The following NINJ2 variants were observed in gnomAD, a reference collection of about 807,000 sequenced individuals.
NINJ2 encodes the protein ninjurin 2, also known as ninjurin-2.
In NINJ2, 12 loss-of-function variants were observed where a neutral mutation model predicts 11.7. That is an observed-to-expected ratio of 1.02 (90% CI 0.66 to 1.66). NINJ2 has a LOEUF of 1.66. NINJ2 is among the 40% of genes most tolerant of loss of function. NINJ2 has a pLI of 0.00. For missense variants in NINJ2, 187 were observed against 181.8 expected (o/e 1.03, Z -0.16); for synonymous variants, 93 against 76.8 (o/e 1.21, Z -1.10).
chr12:588,024 C>T (rs184692110), intron 1 of NINJ2, among the ~76,000 whole-genome samples: 56 of 152,250 alleles, frequency 3.7e-4, no homozygotes, highest in Non-Finnish European at 3.8e-4. Flanking sequence ...AGGCATGACA[C>T]GACAGCCAAC....
intron 1 of NINJ2, among the ~76,000 whole-genome samples, chr12:574,886 T>C (rs1272695510): frequency 6.6e-6 from 1 of 152,260 alleles, no homozygotes; most frequent in Non-Finnish European, 1.5e-5. Context: ...ATATCTGCCC[T>C]GTCTAGCACA....
At chr12:587,890 C>T (rs947983195) in intron 1 of NINJ2, among the ~76,000 whole-genome samples, 13 of 152,290 alleles carry the variant, frequency 8.5e-5, no homozygotes, top group Non-Finnish European at 8.8e-5. Flanking sequence ...GATCACTATC[C>T]GTTCTCTCAC....
intron 1 of NINJ2, among the ~76,000 whole-genome samples, chr12:622,508 G>A (rs986836463): frequency 2.0e-5 from 3 of 151,726 alleles, no homozygotes; most frequent in Non-Finnish European, 2.9e-5. Context: ...AAATGCTCAG[G>A]ACTCTATTTG....
At chr12:598,768 C>T (rs950789054) in intron 1 of NINJ2, among the ~76,000 whole-genome samples, 2 of 152,050 alleles carry the variant, frequency 1.3e-5, no homozygotes, top group South Asian at 4.2e-4. Context: ...GGCACAATCA[C>T]GGCTCACTGG....
At chr12:616,710 T>A (rs921771255) in intron 1 of NINJ2, among the ~76,000 whole-genome samples, 5 of 152,234 alleles carry the variant, frequency 3.3e-5, no homozygotes. Flanking sequence ...CTGAGTGGTG[T>A]CAGGAAACTG....
In NINJ2 at chr12:634,265, C is replaced by CTTTTTTTTTTTTTTTTTTT. The variant is rs67797144; in HGVS notation, c.33+29044_33+29062dup. Among the ~76,000 whole-genome samples, 86 of 59,526 alleles carry CTTTTTTTTTTTTTTTTTTT rather than the reference C, an allele frequency of 1.4e-3. 10 individuals are homozygous for CTTTTTTTTTTTTTTTTTTT. Among genetic ancestry groups the CTTTTTTTTTTTTTTTTTTT allele is most frequent in the Middle Eastern group, 0.016 (1 of 62 alleles). 39.1% of individuals were successfully genotyped at this position (59,526 alleles called of 152,430 possible). ...AAATAAATGTTGATTAGTTGCAGTT[C>CTTTTTTTTTTTTTTTTTTT]TTTTTTTTTTTTTTTTTTTTTTTTT... On this transcript the variant is annotated intron_variant, in intron 1 of 3. Coordinates refer to ENST00000305108, the MANE Select transcript of NINJ2 (RefSeq NM_016533.6).
In NINJ2 at chr12:628,454, C is replaced by T. The variant is rs778437668; in HGVS notation, c.33+34874G>A. ...CCTGGCTTTTCTGGTACAGAGTGAC[C>T]AACATAACAGTTAATAGCATTTCCT... On this transcript the variant is annotated intron_variant, in intron 1 of 3. Transcript: ENST00000305108. The surrounding 1 kb of genome is among the most constrained non-coding windows in gnomAD (Gnocchi z 4.4). Among the ~76,000 whole-genome samples the T allele has an allele frequency of 6.6e-6, 1 of 152,100 alleles. No individual in the cohort carries two copies. The highest frequency in any genetic ancestry group is 2.4e-5 in the African/African-American group (1 of 41,442).
At chr12:627,929 C>T (rs7979407) in intron 1 of NINJ2, among the ~76,000 whole-genome samples, 22,379 of 152,138 alleles carry the variant, frequency 0.15, 2,059 homozygotes, top group South Asian at 0.26. Context: ...AGCGAGACTC[C>T]GTCTCAAAAA....
chr12:653,323 C>T (rs577992186), intron 1 of NINJ2, among the ~76,000 whole-genome samples: 24 of 152,126 alleles, frequency 1.6e-4, no homozygotes, highest in African/African-American at 5.5e-4. Context: ...GTTTCTTATA[C>T]TTAATTGATC....
chr12:624,924 C>T (rs1333523881), intron 1 of NINJ2, among the ~76,000 whole-genome samples: 1 of 151,622 alleles, frequency 6.6e-6, no homozygotes, highest in African/African-American at 2.4e-5. Flanking sequence ...GCCTGGCCAA[C>T]ATGGTGAAAC....
At chr12:639,558 A>ACGG (rs1341754535) in intron 1 of NINJ2, among the ~76,000 whole-genome samples, 1 of 152,054 alleles carries the variant, frequency 6.6e-6, no homozygotes, top group Non-Finnish European at 1.5e-5. Context: ...CAGAAAAGAA[A>ACGG]AAAAAGTCCC....
In NINJ2 at chr12:565,321, TGAA is replaced by T. The variant is rs753064464; in HGVS notation, c.340_342del (p.Phe114del). ...GTAATGAAAACATTGATGACCACAGTGAAGAAGACCAAGATGGTGGCTGCGTTG... is the reference window on the plus strand; with the variant it reads ...GTAATGAAAACATTGATGACCACAGTGAAGACCAAGATGGTGGCTGCGTTG... On this transcript the variant is annotated inframe_deletion, in exon 3 of 4. Coordinates refer to ENST00000305108, the MANE Select transcript of NINJ2 (RefSeq NM_016533.6). 2 of 1,614,184 alleles carry T rather than the reference TGAA, an allele frequency of 1.2e-6. No homozygotes were observed. The highest frequency in any genetic ancestry group is 2.2e-5 in the East Asian group (1 of 44,886).
intron 1 of NINJ2, among the ~76,000 whole-genome samples, chr12:623,333 C>T (rs77856935): frequency 6.6e-6 from 1 of 152,184 alleles, no homozygotes; most frequent in Non-Finnish European, 1.5e-5. Flanking sequence ...CTCTGTCCCC[C>T]TCCCCCACTG....
At chr12:592,108 G>T (rs1396167592) in intron 1 of NINJ2, among the ~76,000 whole-genome samples, 1 of 152,100 alleles carries the variant, frequency 6.6e-6, no homozygotes, top group Non-Finnish European at 1.5e-5. Context: ...CCAGAATGGG[G>T]TCAAGTCTGG....
chr12:571,502 G>T (rs1196987882), intron 1 of NINJ2, among the ~76,000 whole-genome samples: 1 of 152,220 alleles, frequency 6.6e-6, no homozygotes, highest in Non-Finnish European at 1.5e-5. Flanking sequence ...GGCCTGCCCG[G>T]CACAGTCATT....
Position 591,011 on chromosome 12 carries a change from T to C in NINJ2, c.34-24833A>G, listed in dbSNP as rs1947708796. The C allele has an allele frequency of 6.8e-6, 1 of 147,132 alleles. No individual in the cohort carries two copies. Among genetic ancestry groups the C allele is most frequent in the Non-Finnish European group, 1.5e-5 (1 of 66,686 alleles). The allele number at this position is 147,132 out of a possible 1,614,324, so 9.1% of individuals were successfully genotyped here. On this transcript the variant is annotated intron_variant, in intron 1 of 3. Transcript: ENST00000305108. This position sits in a 1 kb window ranked among gnomAD's most constrained non-coding sequence, Gnocchi z 5.0. ...GATCAGAACCCAGGACACTAGCACT[T>C]ACTATCAAGGTTATAGGGAGGCTGA...
At chr12:599,041 C>G (rs975719816) in intron 1 of NINJ2, among the ~76,000 whole-genome samples, 2 of 151,202 alleles carry the variant, frequency 1.3e-5, no homozygotes, top group Admixed American at 1.3e-4. Flanking sequence ...ATTTCTTGTA[C>G]CAGCCGAAAA....
intron 1 of NINJ2, among the ~76,000 whole-genome samples, chr12:599,840 C>T (rs1351978090): frequency 3.3e-5 from 5 of 152,164 alleles, no homozygotes; most frequent in African/African-American, 7.2e-5. Flanking sequence ...CCCGAGATGC[C>T]GCCACTGATT....
intron 1 of NINJ2, among the ~76,000 whole-genome samples, chr12:571,809 A>T (rs1403586416): frequency 6.6e-6 from 1 of 152,268 alleles, no homozygotes; most frequent in Non-Finnish European, 1.5e-5. Flanking sequence ...CCAACAGATC[A>T]TTCTGCTCTT....
Sources: gnomAD v4.1 joint callset for allele counts (sites outside exome capture counted in the v4.1 genomes callset) on GRCh38, gnomAD v4.1.1 for gene constraint, Gnocchi (gnomAD v3.1) non-coding constraint, MANE v1.5 for transcripts, NCBI Gene and HGNC (gene_info 2026-07-23, HGNC 2026-07-21) for gene names.